The following SYN2 variants were observed in gnomAD, a reference collection of about 807,000 sequenced individuals.
SYN2 encodes synapsin II.
Under a neutral mutation model 50.9 loss-of-function variants are expected in SYN2, and 19 were observed. The ratio of observed to expected loss-of-function variants is 0.37; its 90% CI spans 0.26 to 0.55. The LOEUF is 0.55. Among genes scored for constraint, SYN2 ranks in the 20% least tolerant of loss-of-function variants. SYN2 has a pLI of 0.81. For synonymous variants in SYN2, 255 were observed against 224.9 expected, an observed-to-expected ratio of 1.13 and a Z score of -1.20; for missense variants, 587 against 576.4, an observed-to-expected ratio of 1.02 and a Z score of -0.19.
chr3:12,051,500 C>T (rs981252061), intron 1 of SYN2, among the ~76,000 whole-genome samples: 6 of 152,276 alleles, frequency 3.9e-5, no homozygotes, highest in Admixed American at 2.0e-4. Context: ...TGCTGCTGCC[C>T]CAGTGCTGCC....
At chr3:12,067,711 T>C (rs1695246308) in intron 1 of SYN2, among the ~76,000 whole-genome samples, 1 of 152,210 alleles carries the variant, frequency 6.6e-6, no homozygotes, top group African/African-American at 2.4e-5. Flanking sequence ...TCAAATTCTA[T>C]CTCTCTGTCT....
chr3:12,178,503 T>C (rs964152412), intron 10 of SYN2, among the ~76,000 whole-genome samples: 1 of 152,222 alleles, frequency 6.6e-6, no homozygotes, highest in African/African-American at 2.4e-5. Flanking sequence ...AGTGATTTCC[T>C]TTCCAATCAT....
chr3:12,164,843 G>A (rs1468826355), intron 7 of SYN2, among the ~76,000 whole-genome samples: 4 of 152,034 alleles, frequency 2.6e-5, no homozygotes, highest in Admixed American at 1.3e-4. Flanking sequence ...ACTCAAAAAG[G>A]ATTTTAACCT....
intron 1 of SYN2, among the ~76,000 whole-genome samples, chr3:12,030,895 T>C (rs1472771499): frequency 1.5e-5 from 2 of 135,126 alleles, no homozygotes; most frequent in African/African-American, 2.8e-5. Flanking sequence ...CTTCTCTGAT[T>C]TTAGTTATTT....
chr3:12,083,794 T>G (rs1472953730), intron 1 of SYN2, among the ~76,000 whole-genome samples: 1 of 152,174 alleles, frequency 6.6e-6, no homozygotes, highest in Non-Finnish European at 1.5e-5. Flanking sequence ...ACAGGAGCCC[T>G]CTGAGATTGA....
chr3:12,073,834 G>C (rs1251032385), intron 1 of SYN2, among the ~76,000 whole-genome samples: 1 of 152,010 alleles, frequency 6.6e-6, no homozygotes, highest in Non-Finnish European at 1.5e-5. Flanking sequence ...ATAATTGTTG[G>C]TATCTAAATC....
chr3:12,055,374 A>G (rs1278582660), intron 1 of SYN2, among the ~76,000 whole-genome samples: 1 of 152,152 alleles, frequency 6.6e-6, no homozygotes, highest in Admixed American at 6.5e-5. Context: ...TTTGAAGAAA[A>G]CTTTTATTTT....
intron 2 of SYN2, 84 bp from the exon 3 acceptor site, chr3:12,141,821 T>C: frequency 1.3e-6 from 1 of 751,062 alleles, no homozygotes; most frequent in Non-Finnish European, 2.5e-6. Context: ...TATAAATGTT[T>C]GGTGGTAGGG....
intron 1 of SYN2, among the ~76,000 whole-genome samples, chr3:12,129,126 TAATG>T (rs1370346018): frequency 2.6e-5 from 4 of 151,730 alleles, no homozygotes; most frequent in South Asian, 2.1e-4. Context: ...AAAATAGAAA[TAATG>T]AATATTATGA....
intron 1 of SYN2, among the ~76,000 whole-genome samples, chr3:12,062,013 C>T (rs1695121676): frequency 1.3e-5 from 2 of 151,918 alleles, no homozygotes. Context: ...TAGAGATTAA[C>T]AAGTTGATTC....
At chr3:12,154,433 C>T (rs767365933) in intron 5 of SYN2, 9 of 1,613,964 alleles carry the variant, frequency 5.6e-6, no homozygotes, top group East Asian at 2.2e-5. Flanking sequence ...GAAGACTTTT[C>T]CATCACTGAG....
chr3:12,185,855 T>C (rs980566693), intron 11 of SYN2: 4 of 813,184 alleles, frequency 4.9e-6, no homozygotes, highest in Non-Finnish European at 5.9e-6. Flanking sequence ...CTAATGCAAA[T>C]GATGCCAAAC....
At chr3:12,061,763 CTACCATT>C (rs1164937203) in intron 1 of SYN2, among the ~76,000 whole-genome samples, 1 of 151,822 alleles carries the variant, frequency 6.6e-6, no homozygotes, top group Non-Finnish European at 1.5e-5. Context: ...TAAAAAAACA[CTACCATT>C]TACAACAGCA....
At chr3:12,157,360 C>T in intron 5 of SYN2, 8 of 1,608,282 alleles carry the variant, frequency 5.0e-6, no homozygotes, top group Non-Finnish European at 6.8e-6. Context: ...TTAGGGGCTA[C>T]ACATCCCAGC....
intron 1 of SYN2, among the ~76,000 whole-genome samples, chr3:12,107,686 T>C (rs985715890): frequency 6.6e-6 from 1 of 152,166 alleles, no homozygotes; most frequent in African/African-American, 2.4e-5. Context: ...GGCAGATTGC[T>C]TGAGCTCAGG....
chr3:12,054,473 A>C (rs1203278672), intron 1 of SYN2, among the ~76,000 whole-genome samples: 1 of 152,156 alleles, frequency 6.6e-6, no homozygotes, highest in Admixed American at 6.5e-5. Context: ...GTGGCCCCTG[A>C]AGGCAGAGTG....
chr3:12,161,952 T>G, intron 6 of SYN2, 60 bp from the exon 7 acceptor site: 1 of 1,596,612 alleles, frequency 6.3e-7, no homozygotes, highest in Non-Finnish European at 8.5e-7. Context: ...CCCTTGTGAC[T>G]TCTCAGTGTG....
At chr3:12,147,502 A>G (rs1346552867) in intron 4 of SYN2, among the ~76,000 whole-genome samples, 2 of 152,184 alleles carry the variant, frequency 1.3e-5, no homozygotes, top group Admixed American at 6.5e-5. Flanking sequence ...TATGTTGCCA[A>G]TCACAGAAGA....
rs1257028377 is a variant in SYN2, at chr3:12,102,384, G to A, written c.378-38267G>A. On this transcript the variant is annotated intron_variant, in intron 1 of 12. Transcript: ENST00000621198. ...TCTGGAAACTCCATGGACACTTTAT[G>A]TTTTCAATGAGTCAGGCAATAACAG... 1.3e-5 allele frequency among the ~76,000 whole-genome samples: 2 copies of A among 152,176 alleles called. 1 individual carries two copies. The highest frequency in any genetic ancestry group is 4.1e-4 in the South Asian group (2 of 4,824).
Sources: gnomAD v4.1 joint callset for allele counts (sites outside exome capture counted in the v4.1 genomes callset) on GRCh38, gnomAD v4.1.1 for gene constraint, MANE v1.5 for transcripts, NCBI Gene and HGNC (gene_info 2026-07-23, HGNC 2026-07-21) for gene names.